ANO4: variants seen among roughly 807,000 people sequenced by gnomAD.
ANO4 encodes the protein anoctamin-4.
Under a neutral mutation model 141.9 loss-of-function variants are expected in ANO4, and 69 were observed. The ratio of observed to expected loss-of-function variants is 0.49; its 90% CI spans 0.40 to 0.59. ANO4 has a LOEUF of 0.59. Among genes scored for constraint, ANO4 ranks in the 20% least tolerant of loss-of-function variants. The probability of loss-of-function intolerance (pLI) is 0.00; values close to 1 mark genes in which losing one functional copy is unlikely to be tolerated. For missense variants in ANO4, 894 were observed against 1,162.2 expected (o/e 0.77, Z 3.36); for synonymous variants, 350 against 394.3 (o/e 0.89, Z 1.33).
At chr12:100,912,984 T>A (rs2041181704) in intron 2 of ANO4, among the ~76,000 whole-genome samples, 1 of 152,164 alleles carries the variant, frequency 6.6e-6, no homozygotes, top group Admixed American at 6.5e-5. Flanking sequence ...GTGAGTTTAG[T>A]CAATAGGTGG....
At chr12:100,774,644 ACAT>A (rs773346181) in intron 3 of ANO4, among the ~76,000 whole-genome samples, 9 of 152,232 alleles carry the variant, frequency 5.9e-5, no homozygotes, top group Non-Finnish European at 1.2e-4. Context: ...TTCCCCCACA[ACAT>A]ATGCGAATGC....
chr12:101,099,791 T>C, intron 22 of ANO4, 71 bp downstream of exon 22: 1 of 1,313,504 alleles, frequency 7.6e-7, no homozygotes, highest in South Asian at 1.8e-5. Flanking sequence ...ACTAAACATA[T>C]ACCCGTTATC....
intron 13 of ANO4, chr12:101,048,083 C>T: frequency 8.4e-7 from 1 of 1,190,448 alleles, no homozygotes; most frequent in Non-Finnish European, 1.1e-6. Flanking sequence ...CTTAGTAGCA[C>T]TATTGGGGAT....
chr12:101,081,954 A>C (rs960458608), intron 15 of ANO4, among the ~76,000 whole-genome samples: 2 of 152,186 alleles, frequency 1.3e-5, no homozygotes, highest in African/African-American at 2.4e-5. Flanking sequence ...CTATAAAAAA[A>C]ACCTGTTTCC....
At chr12:100,845,819 G>A (rs2037528725) in intron 1 of ANO4, among the ~76,000 whole-genome samples, 2 of 152,208 alleles carry the variant, frequency 1.3e-5, no homozygotes, top group Non-Finnish European at 2.9e-5. Flanking sequence ...TTCATTGTAA[G>A]TTGGCAAACA....
chr12:100,884,496 A>C (rs377112926), intron 1 of ANO4, among the ~76,000 whole-genome samples: 1 of 152,186 alleles, frequency 6.6e-6, no homozygotes, highest in African/African-American at 2.4e-5. Context: ...TGATTAGATT[A>C]AGGAGAGGTG....
At chr12:100,766,832 G>A (rs2033105381) in intron 3 of ANO4, among the ~76,000 whole-genome samples, 2 of 151,932 alleles carry the variant, frequency 1.3e-5, no homozygotes, top group African/African-American at 2.4e-5. Context: ...TACTAGTGTT[G>A]TGTTTCTCTC....
chr12:101,114,464 T>C (rs1471695405), intron 24 of ANO4, among the ~76,000 whole-genome samples: 6 of 152,184 alleles, frequency 3.9e-5, no homozygotes, highest in African/African-American at 1.4e-4. Flanking sequence ...AAAGACACAT[T>C]TTCAACTTGG....
intron 5 of ANO4, among the ~76,000 whole-genome samples, chr12:100,955,832 T>C (rs1017626877): frequency 6.6e-5 from 10 of 152,140 alleles, no homozygotes; most frequent in Non-Finnish European, 1.2e-4. Context: ...TAGAAGGGCA[T>C]GGCATTCCAG....
intron 3 of ANO4, among the ~76,000 whole-genome samples, chr12:100,789,714 T>C (rs914708953): frequency 1.3e-5 from 2 of 152,158 alleles, no homozygotes; most frequent in African/African-American, 2.4e-5. Context: ...GGAGGAGATA[T>C]ATATGGTTCA....
At chr12:100,750,126 T>TTTTTCTTTTTTC (rs1565853620) in intron 3 of ANO4, among the ~76,000 whole-genome samples, 1 of 151,514 alleles carries the variant, frequency 6.6e-6, no homozygotes, top group Non-Finnish European at 1.5e-5. Context: ...TTTCTTTTTT[T>TTTTTCTTTTTTC]TTTTCTTTTT....
intron 3 of ANO4, among the ~76,000 whole-genome samples, chr12:100,927,864 A>G (rs551558972): frequency 1.3e-5 from 2 of 152,246 alleles, no homozygotes; most frequent in South Asian, 2.1e-4. Context: ...GTTGTATTCC[A>G]TCAGGTTCTG....
chr12:101,121,251 G>A (rs1043004956), intron 26 of ANO4, among the ~76,000 whole-genome samples: 1 of 151,364 alleles, frequency 6.6e-6, no homozygotes, highest in Non-Finnish European at 1.5e-5. Flanking sequence ...GTAGTCCCCA[G>A]TGTCTGTTGT....
At chr12:100,949,497 G>A (rs1592809103) in intron 5 of ANO4, among the ~76,000 whole-genome samples, 2 of 152,180 alleles carry the variant, frequency 1.3e-5, no homozygotes, top group South Asian at 4.2e-4. Context: ...TTATCTCTGT[G>A]CCTTTTATAT....
intron 25 of ANO4, among the ~76,000 whole-genome samples, chr12:101,117,874 C>T (rs2050918187): frequency 6.6e-6 from 1 of 152,102 alleles, no homozygotes; most frequent in Non-Finnish European, 1.5e-5. Context: ...TGAGAGAAGC[C>T]AGGGGCTCCC....
chr12:100,850,220 A>G (rs1169311014), intron 1 of ANO4, among the ~76,000 whole-genome samples: 1 of 152,236 alleles, frequency 6.6e-6, no homozygotes, highest in African/African-American at 2.4e-5. Flanking sequence ...GGGGACTTAT[A>G]TATGATTAGA....
intron 1 of ANO4, among the ~76,000 whole-genome samples, chr12:100,836,339 T>A (rs141476076): frequency 0.016 from 2,403 of 152,142 alleles, 48 homozygotes; most frequent in African/African-American, 0.053. Flanking sequence ...TGAAGTCTTT[T>A]TATATATATA....
Position 101,096,193 on chromosome 12 carries a change from G to C in ANO4, c.1739-343G>C, listed in dbSNP as rs180716040. On this transcript the variant is annotated intron_variant, in intron 18 of 27. Coordinates refer to ENST00000392977, the MANE Select transcript of ANO4 (RefSeq NM_001286615.2). ...TGCATAGATTAAGAGGAAAAGAAAA[G>C]GCTACTGCAGAGAGCCACGACTGGG... 1.0e-3 allele frequency among the ~76,000 whole-genome samples: 155 copies of C among 152,300 alleles called. 2 individuals are homozygous for C. The East Asian group carries it at 0.022, about 21-fold the overall frequency.
intron 9 of ANO4, among the ~76,000 whole-genome samples, chr12:101,031,259 T>TGG (rs1240087076): frequency 1.3e-5 from 2 of 152,158 alleles, no homozygotes; most frequent in Non-Finnish European, 2.9e-5. Context: ...GCTTCACACC[T>TGG]GGGATGCAAG....
Sources: allele counts gnomAD v4.1 joint callset (sites outside exome capture counted in the v4.1 genomes callset), GRCh38; gene constraint gnomAD v4.1.1; transcripts MANE v1.5; gene names NCBI Gene and HGNC (gene_info 2026-07-23, HGNC 2026-07-21).